RAB40B: variants seen among roughly 807,000 people sequenced by gnomAD.
RAB40B encodes RAB40B, member RAS oncogene family, also known as ras-related protein Rab-40B.
A neutral mutation model predicts 24.0 loss-of-function variants in RAB40B; 21 were observed. That is an observed-to-expected ratio of 0.88 (90% CI 0.62 to 1.26). The LOEUF (loss-of-function observed/expected upper bound fraction) is 1.26, where lower values mean the gene tolerates loss of function less well. Ranked by LOEUF, RAB40B falls within the 50% of genes most tolerant of loss-of-function variation. The probability of loss-of-function intolerance (pLI) is 0.00; values close to 1 mark genes in which losing one functional copy is unlikely to be tolerated. For missense variants in RAB40B, 348 were observed against 390.5 expected, an observed-to-expected ratio of 0.89 and a Z score of 0.92; for synonymous variants, 167 against 169.8, an observed-to-expected ratio of 0.98 and a Z score of 0.13.
chr17:82,671,624 C>T, intron 1 of RAB40B, among the ~76,000 whole-genome samples: 1 of 114,588 alleles, frequency 8.7e-6, no homozygotes, highest in Non-Finnish European at 1.9e-5. Context: ...TGACACAGCT[C>T]ACCCCGTAAC....
At chr17:82,665,083 A>G (rs1394921979) in intron 1 of RAB40B, among the ~76,000 whole-genome samples, 1 of 152,216 alleles carries the variant, frequency 6.6e-6, no homozygotes, top group Non-Finnish European at 1.5e-5. Context: ...GCCCGCTCTC[A>G]GCTGTGTACA....
At chr17:82,671,516 CCT>C (rs2046335594) in intron 1 of RAB40B, among the ~76,000 whole-genome samples, 1 of 129,216 alleles carries the variant, frequency 7.7e-6, no homozygotes, top group Non-Finnish European at 1.8e-5. Context: ...ACACCCCACC[CCT>C]GTAACTCTAA....
At chr17:82,681,020 C>CAAAAA (rs201799464) in intron 1 of RAB40B, among the ~76,000 whole-genome samples, 45 of 93,924 alleles carry the variant, frequency 4.8e-4, no homozygotes, top group East Asian at 1.0e-3. Context: ...GACTCCATCT[C>CAAAAA]AAAAAAAAAA....
intron 1 of RAB40B, among the ~76,000 whole-genome samples, chr17:82,679,862 G>A (rs1191437276): frequency 6.6e-6 from 1 of 152,252 alleles, no homozygotes; most frequent in East Asian, 1.9e-4. Context: ...GTCCTGGAGC[G>A]TGGCAGCTGC....
chr17:82,664,546 G>A lies in RAB40B; in HGVS notation c.153C>T (p.Tyr51=). ...CGTCCAGCAGGATGGTGGTCGTCTT[G>A]TAGTCGATGCCTGCGGAAGGGTTAG... The part of the protein sequence containing the change: ...SPYGHPAGID[Y]KTTTILLDGR... The change falls in exon 2 of 6, where the codon TAC becomes TAT. Residue 51 remains tyrosine (Y), a synonymous_variant. Coordinates refer to ENST00000571995, the MANE Select transcript of RAB40B (RefSeq NM_006822.3). 1 of 1,613,662 alleles carries A rather than the reference G, an allele frequency of 6.2e-7. No individual in the cohort carries two copies. Among genetic ancestry groups the A allele is most frequent in the Non-Finnish European group, 8.5e-7 (1 of 1,179,646 alleles).
rs924487504 is a variant in RAB40B, at chr17:82,662,445, A to T, written c.204-1398T>A. 2.8e-5 allele frequency: 28 copies of T among 985,306 alleles called. No homozygotes were observed. The African/African-American group carries it at 4.5e-4, about 16-fold the overall frequency. 61.0% of individuals were successfully genotyped at this position (985,306 alleles called of 1,614,324 possible). ...GGAGCACTCCCTCCTCAGCTGGGAC[A>T]ACGTGCCGGCCTCCTGGGCCGCTGC... On this transcript the variant is annotated intron_variant, in intron 2 of 5. Transcript: ENST00000571995.
chr17:82,689,981 A>AG (rs2046539509), intron 1 of RAB40B, among the ~76,000 whole-genome samples: 1 of 151,208 alleles, frequency 6.6e-6, no homozygotes, highest in African/African-American at 2.4e-5. Flanking sequence ...AAAAAAAAAA[A>AG]GAAGTAGAAA....
chr17:82,695,559 A>AT (rs1404695326), intron 1 of RAB40B, among the ~76,000 whole-genome samples: 4 of 149,800 alleles, frequency 2.7e-5, no homozygotes, highest in Non-Finnish European at 5.9e-5. Flanking sequence ...AAAAAAAAAA[A>AT]CATGGCCAGG....
rs893824529 is a variant in RAB40B, at chr17:82,675,900, A to G, written c.143-11344T>C. Among the ~76,000 whole-genome samples the G allele has an allele frequency of 1.3e-5, 2 of 152,134 alleles. No individual in the cohort carries two copies. Among genetic ancestry groups the G allele is most frequent in the African/African-American group, 4.8e-5 (2 of 41,418 alleles). On this transcript the variant is annotated intron_variant, in intron 1 of 5. Transcript: ENST00000571995. This position sits in a 1 kb window ranked among gnomAD's most constrained non-coding sequence, Gnocchi z 4.5. ...TAAAAAACAGTGCCCTCCATCTGCTACGTGGGTCCTTCTCACCAGGGGGGA... is the reference window on the plus strand; with the variant it reads ...TAAAAAACAGTGCCCTCCATCTGCTGCGTGGGTCCTTCTCACCAGGGGGGA...
chr17:82,694,909 C>G (rs983345187), intron 1 of RAB40B, among the ~76,000 whole-genome samples: 1 of 151,824 alleles, frequency 6.6e-6, no homozygotes, highest in Admixed American at 6.6e-5. Flanking sequence ...AGGAAATACT[C>G]GAGTCCTTCT....
chr17:82,685,242 G>C (rs1166394175), intron 1 of RAB40B, among the ~76,000 whole-genome samples: 1 of 140,508 alleles, frequency 7.1e-6, no homozygotes, highest in Non-Finnish European at 1.6e-5. Flanking sequence ...GGACGGAGGA[G>C]GGAGGGGGAG....
chr17:82,665,899 A>G (rs960730527), intron 1 of RAB40B, among the ~76,000 whole-genome samples: 6 of 151,908 alleles, frequency 3.9e-5, no homozygotes, highest in African/African-American at 1.5e-4. Context: ...ACAAAAAAAA[A>G]AAAAAAAAAA....
chr17:82,695,254 T>C (rs2046597108), intron 1 of RAB40B, among the ~76,000 whole-genome samples: 2 of 150,850 alleles, frequency 1.3e-5, no homozygotes, highest in East Asian at 3.9e-4. Context: ...TGCAATGGTG[T>C]GATCTCAGCT....
At chr17:82,661,375 G>GGCGACCACC in intron 2 of RAB40B, 1 of 792,626 alleles carries the variant, frequency 1.3e-6, no homozygotes, top group Non-Finnish European at 1.6e-6. Context: ...TATGCAGTAA[G>GGCGACCACC]GAGTGTGGGT....
intron 1 of RAB40B, among the ~76,000 whole-genome samples, chr17:82,674,422 G>A (rs1276154492): frequency 5.3e-5 from 8 of 150,226 alleles, no homozygotes; most frequent in Non-Finnish European, 1.0e-4. Context: ...ATGAGGTCAG[G>A]AGTTCGAGAC....
At chr17:82,682,123 A>ACACACACACACGCATG (rs983617855) in intron 1 of RAB40B, among the ~76,000 whole-genome samples, 3 of 4,520 alleles carry the variant, frequency 6.6e-4, no homozygotes, top group East Asian at 0.013. Context: ...ACACGCATGC[A>ACACACACACACGCATG]CACACACACA....
Position 82,657,207 on chromosome 17 carries a change from CTT to C in RAB40B, c.*654_*655del, listed in dbSNP as rs2046093022. The C allele has an allele frequency of 6.0e-6, 1 of 165,988 alleles. No individual in the cohort carries two copies. Among genetic ancestry groups the C allele is most frequent in the African/African-American group, 2.4e-5 (1 of 41,502 alleles). The allele number at this position is 165,988 out of a possible 1,614,324, so 10.3% of individuals were successfully genotyped here. A position where few individuals can be genotyped will look rare whatever the true frequency, so the allele number is the denominator to read the frequency against. On this transcript the variant is annotated 3_prime_UTR_variant, in exon 6 of 6. Transcript: ENST00000571995. ...CTGTGTTCAACATAACTAGAGGTAT[CTT>C]TGGCATTTTCTTCCCTTAGCTTCAT...
Position 82,698,445 on chromosome 17 carries a change from C to T in RAB40B, c.142+10G>A, listed in dbSNP as rs1378779855. ...GCCCGCACCCCGGCACGCCCTCCGC[C>T]CGCGCTCACCCGCCGGGTGGCCGTA... On this transcript the variant is annotated intron_variant, in intron 1 of 5. Coordinates refer to ENST00000571995, the MANE Select transcript of RAB40B (RefSeq NM_006822.3). 1 of 1,437,048 alleles carries T rather than the reference C, an allele frequency of 7.0e-7. No individual in the cohort carries two copies. 89.0% of individuals were successfully genotyped at this position (1,437,048 alleles called of 1,614,324 possible).
intron 1 of RAB40B, among the ~76,000 whole-genome samples, chr17:82,691,984 T>C (rs1201624677): frequency 6.6e-6 from 1 of 152,066 alleles, no homozygotes; most frequent in African/African-American, 2.4e-5. Flanking sequence ...GACACTTCCC[T>C]GGGTAACCAG....
Sources: allele counts gnomAD v4.1 joint callset (sites outside exome capture counted in the v4.1 genomes callset), GRCh38; gene constraint gnomAD v4.1.1; non-coding constraint Gnocchi (gnomAD v3.1); transcripts MANE v1.5; gene names NCBI Gene and HGNC (gene_info 2026-07-23, HGNC 2026-07-21).